FMNL2: variants seen among roughly 807,000 people sequenced by gnomAD.
The protein encoded by FMNL2 is formin like 2.
FMNL2 carries 51 observed loss-of-function variants against 130.2 expected under a neutral mutation model. The observed-to-expected ratio is 0.39, with a 90% CI of 0.31 to 0.49. The LOEUF is 0.49. Ranked by LOEUF, FMNL2 falls within the 20% of genes least tolerant of loss-of-function variation. FMNL2 has a pLI of 0.85. For missense variants in FMNL2, 977 were observed against 1,316.2 expected (o/e 0.74, Z 3.99); for synonymous variants, 465 against 467.1 (o/e 1.00, Z 0.06).
At chr2:152,495,029 CTT>C (rs936480704) in intron 1 of FMNL2, among the ~76,000 whole-genome samples, 1 of 152,174 alleles carries the variant, frequency 6.6e-6, no homozygotes, top group Non-Finnish European at 1.5e-5. Flanking sequence ...GAAGGAAAAA[CTT>C]TGCGTTGGGG....
chr2:152,353,370 G>T (rs187027735), intron 1 of FMNL2, among the ~76,000 whole-genome samples: 9 of 152,304 alleles, frequency 5.9e-5, no homozygotes, highest in African/African-American at 2.2e-4. Context: ...GAAGAATCTG[G>T]TAAAAAGTAT....
intron 1 of FMNL2, among the ~76,000 whole-genome samples, chr2:152,378,850 T>C (rs1022300785): frequency 2.0e-5 from 3 of 151,952 alleles, no homozygotes; most frequent in African/African-American, 7.3e-5. Flanking sequence ...GGGCTATGAA[T>C]GAGATTCTTC....
intron 1 of FMNL2, among the ~76,000 whole-genome samples, chr2:152,476,462 A>ATCTT (rs1214937367): frequency 6.6e-6 from 1 of 152,158 alleles, no homozygotes; most frequent in Non-Finnish European, 1.5e-5. Flanking sequence ...CTTGAGCCCA[A>ATCTT]GAGTGTGAGA....
chr2:152,582,655 T>TA (rs1351545413), intron 9 of FMNL2, among the ~76,000 whole-genome samples: 1 of 152,214 alleles, frequency 6.6e-6, no homozygotes, highest in Non-Finnish European at 1.5e-5. Flanking sequence ...TGAATGTTTT[T>TA]ATATATCATG....
chr2:152,371,445 C>T (rs1490518154), intron 1 of FMNL2, among the ~76,000 whole-genome samples: 3 of 151,850 alleles, frequency 2.0e-5, no homozygotes, highest in African/African-American at 4.8e-5. Flanking sequence ...CTGAGGCGGG[C>T]GGATCATGAG....
chr2:152,368,467 G>GTT (rs147652733), intron 1 of FMNL2, among the ~76,000 whole-genome samples: 190 of 149,364 alleles, frequency 1.3e-3, no homozygotes, highest in East Asian at 4.3e-3. Context: ...TATTTTAAAA[G>GTT]TTTTTTTTTT....
At chr2:152,359,625 C>G (rs1164327000) in intron 1 of FMNL2, among the ~76,000 whole-genome samples, 4 of 152,024 alleles carry the variant, frequency 2.6e-5, no homozygotes, top group Non-Finnish European at 5.9e-5. Context: ...GGCTTCTATA[C>G]TGATTATTCA....
rs201697353 is a variant in FMNL2 at position 152,412,409 on chromosome 2, TCA to T, written c.117+76690_117+76691del. 6.6e-4 allele frequency among the ~76,000 whole-genome samples: 92 copies of T among 139,224 alleles called. 2 individuals are homozygous for T. In the East Asian group the frequency reaches 0.017, roughly 25 times the overall value. 91.3% of individuals were successfully genotyped at this position (139,224 alleles called of 152,430 possible). ...TTTTCTGATTCTGTCTCTTCTCCCTTCAGTCTTATATTTCCTCTTACTTTCTT... is the reference window on the plus strand; with the variant it reads ...TTTTCTGATTCTGTCTCTTCTCCCTTGTCTTATATTTCCTCTTACTTTCTT... On this transcript the variant is annotated intron_variant, in intron 1 of 25. Coordinates refer to ENST00000288670, the MANE Select transcript of FMNL2 (RefSeq NM_052905.4).
intron 9 of FMNL2, among the ~76,000 whole-genome samples, chr2:152,584,316 G>A (rs1696947317): frequency 6.6e-6 from 1 of 152,100 alleles, no homozygotes; most frequent in South Asian, 2.1e-4. Context: ...CCAGGTACCA[G>A]GATACCAGGA....
In FMNL2 at chr2:152,468,674, TTTC is replaced by T; in HGVS notation, c.118-53263_118-53261del. ...ATATCCAAAACATTATTGAAATCAG[TTTC>T]TTCTTTTTACTTTTTAATGTAGCTA... On this transcript the variant is annotated intron_variant, in intron 1 of 25. Transcript: ENST00000288670. 3.3e-5 allele frequency among the ~76,000 whole-genome samples: 5 copies of T among 152,244 alleles called. No individual in the cohort carries two copies. In the East Asian group the frequency reaches 9.7e-4, roughly 29 times the overall value.
intron 1 of FMNL2, among the ~76,000 whole-genome samples, chr2:152,500,006 C>T (rs1579818832): frequency 6.6e-6 from 1 of 152,152 alleles, no homozygotes; most frequent in Admixed American, 6.5e-5. Flanking sequence ...TTCTCTTTTG[C>T]AGTCTGGAGA....
chr2:152,432,677 C>G (rs2106096074), intron 1 of FMNL2, among the ~76,000 whole-genome samples: 1 of 152,318 alleles, frequency 6.6e-6, no homozygotes, highest in East Asian at 1.9e-4. Context: ...TAAATAAACT[C>G]AAGTCTTTGG....
chr2:152,435,727 G>A (rs1042281592), intron 1 of FMNL2, among the ~76,000 whole-genome samples: 4 of 152,198 alleles, frequency 2.6e-5, no homozygotes, highest in Non-Finnish European at 5.9e-5. Flanking sequence ...GATATAGCTA[G>A]TTGAATTTTC....
intron 1 of FMNL2, among the ~76,000 whole-genome samples, chr2:152,369,479 C>G (rs890907940): frequency 6.6e-6 from 1 of 152,230 alleles, no homozygotes; most frequent in African/African-American, 2.4e-5. Context: ...GCTTGATGCC[C>G]TGCCTTTGGT....
intron 1 of FMNL2, among the ~76,000 whole-genome samples, chr2:152,360,599 T>G (rs998601945): frequency 6.6e-6 from 1 of 152,222 alleles, no homozygotes; most frequent in Non-Finnish European, 1.5e-5. Flanking sequence ...AGATTATTCT[T>G]TGAATAATTG....
chr2:152,346,276 C>T (rs574757540), intron 1 of FMNL2, among the ~76,000 whole-genome samples: 112 of 152,266 alleles, frequency 7.4e-4, no homozygotes, highest in African/African-American at 2.6e-3. Flanking sequence ...CCGCCCACCC[C>T]AGCCTCCCAA....
At chr2:152,412,446 T>TATA (rs1686344924) in intron 1 of FMNL2, among the ~76,000 whole-genome samples, 2 of 103,208 alleles carry the variant, frequency 1.9e-5, no homozygotes, top group African/African-American at 8.5e-5. Flanking sequence ...TCTGTATATT[T>TATA]TATATATATA....
intron 1 of FMNL2, among the ~76,000 whole-genome samples, chr2:152,498,989 G>A (rs1022780279): frequency 1.3e-5 from 2 of 152,138 alleles, no homozygotes; most frequent in African/African-American, 4.8e-5. Context: ...TTTCTGTAAG[G>A]CAATAACCGT....
rs767119677 is a variant in FMNL2 at position 152,649,491 on chromosome 2, AT to A, written c.*1588del. 1 of 152,628 alleles carries A rather than the reference AT, an allele frequency of 6.6e-6. No individual in the cohort carries two copies. The highest frequency in any genetic ancestry group is 6.5e-5 in the Admixed American group (1 of 15,276). The allele number at this position is 152,628 out of a possible 1,614,324, so 9.5% of individuals were successfully genotyped here. On this transcript the variant is annotated 3_prime_UTR_variant, in exon 26 of 26. Coordinates refer to ENST00000288670, the MANE Select transcript of FMNL2 (RefSeq NM_052905.4). ...AGATTAAACTGCCACCTGCGGGCAC[AT>A]TCCCATAAATGTGTACTTTACTTTA... is the stretch of plus-strand genomic sequence containing the variant.
Sources: gnomAD v4.1 joint callset for allele counts (sites outside exome capture counted in the v4.1 genomes callset) on GRCh38, gnomAD v4.1.1 for gene constraint, MANE v1.5 for transcripts, NCBI Gene and HGNC (gene_info 2026-07-23, HGNC 2026-07-21) for gene names.